The following MAGI3 variants were observed in gnomAD, a reference collection of about 807,000 sequenced individuals.
MAGI3 encodes the protein membrane-associated guanylate kinase, WW and PDZ domain-containing protein 3.
A neutral mutation model predicts 121.8 loss-of-function variants in MAGI3; 43 were observed. The ratio of observed to expected loss-of-function variants is 0.35; its 90% confidence interval spans 0.28 to 0.46. The LOEUF is 0.46. Among genes scored for constraint, MAGI3 ranks in the 20% least tolerant of loss-of-function variants. The pLI, the probability that MAGI3 is intolerant of heterozygous loss-of-function variation, is 1.00. For synonymous variants in MAGI3, 553 were observed against 639.3 expected, an observed-to-expected ratio of 0.86 and a Z score of 2.04; for missense variants, 1,547 against 1,797.3, an observed-to-expected ratio of 0.86 and a Z score of 2.52.
At chr1:113,626,282 T>A (rs1275408437) in intron 9 of MAGI3, among the ~76,000 whole-genome samples, 1 of 152,260 alleles carries the variant, frequency 6.6e-6, no homozygotes, top group Admixed American at 6.5e-5. Context: ...TTTGCATATA[T>A]TGTACCATCC....
chr1:113,657,361 AAGAC>A (rs1164388281), intron 15 of MAGI3, among the ~76,000 whole-genome samples: 1 of 152,196 alleles, frequency 6.6e-6, no homozygotes. Flanking sequence ...TATAAATACT[AAGAC>A]AGTAACAATC....
At chr1:113,641,408 C>G (rs1474114831) in intron 9 of MAGI3, among the ~76,000 whole-genome samples, 1 of 151,034 alleles carries the variant, frequency 6.6e-6, no homozygotes, top group Admixed American at 6.6e-5. Context: ...AAAAAGAGCT[C>G]AGAGGAACCT....
At chr1:113,589,606 G>A (rs1648575679) in intron 4 of MAGI3, among the ~76,000 whole-genome samples, 1 of 151,950 alleles carries the variant, frequency 6.6e-6, no homozygotes, top group Admixed American at 6.6e-5. Context: ...TAAATAGTAG[G>A]GCATGGTTAG....
intron 13 of MAGI3, among the ~76,000 whole-genome samples, chr1:113,649,877 G>T (rs1192782186): frequency 6.6e-6 from 1 of 152,176 alleles, no homozygotes; most frequent in Non-Finnish European, 1.5e-5. Context: ...GGTTATATTT[G>T]CAAAGCATTT....
At chr1:113,493,115 G>A (rs1436291309) in intron 1 of MAGI3, among the ~76,000 whole-genome samples, 1 of 152,108 alleles carries the variant, frequency 6.6e-6, no homozygotes, top group Non-Finnish European at 1.5e-5. Flanking sequence ...AAAGCTGGAG[G>A]CATTATGCTA....
chr1:113,483,100 T>C (rs1570741238), intron 1 of MAGI3, among the ~76,000 whole-genome samples: 2 of 152,344 alleles, frequency 1.3e-5, no homozygotes, highest in South Asian at 2.1e-4. Flanking sequence ...TGAGCCAATG[T>C]ACCCATGCAG....
chr1:113,413,379 A>G (rs987507192), intron 1 of MAGI3, among the ~76,000 whole-genome samples: 1 of 152,176 alleles, frequency 6.6e-6, no homozygotes, highest in South Asian at 2.1e-4. Flanking sequence ...TTGGTTCCAT[A>G]TAAACTTTAA....
chr1:113,458,308 C>T (rs1387246750), intron 1 of MAGI3, among the ~76,000 whole-genome samples: 1 of 151,870 alleles, frequency 6.6e-6, no homozygotes, highest in Non-Finnish European at 1.5e-5. Context: ...AAGGATGGCC[C>T]TAATTTTTTG....
intron 1 of MAGI3, among the ~76,000 whole-genome samples, chr1:113,423,715 C>T (rs564564980): frequency 6.6e-5 from 10 of 152,190 alleles, no homozygotes; most frequent in Non-Finnish European, 1.5e-4. Context: ...AGACTCCACC[C>T]GGTACTGGCA....
intron 1 of MAGI3, among the ~76,000 whole-genome samples, chr1:113,514,197 C>T (rs1170747244): frequency 6.6e-6 from 1 of 152,190 alleles, no homozygotes; most frequent in African/African-American, 2.4e-5. Flanking sequence ...CTAGTTGAAC[C>T]CTTGTGGAAG....
intron 6 of MAGI3, among the ~76,000 whole-genome samples, chr1:113,605,774 AT>A (rs1649727085): frequency 6.6e-6 from 1 of 151,846 alleles, no homozygotes; most frequent in East Asian, 1.9e-4. Flanking sequence ...TAATTTTTGT[AT>A]TTCTAGTAGA....
At chr1:113,392,220 A>G (rs1446001010) in intron 1 of MAGI3, among the ~76,000 whole-genome samples, 1 of 152,196 alleles carries the variant, frequency 6.6e-6, no homozygotes, top group African/African-American at 2.4e-5. Context: ...TATAGACAGC[A>G]TTGTTGGTTT....
At chr1:113,573,929 T>A (rs1017741996) in intron 2 of MAGI3, among the ~76,000 whole-genome samples, 5 of 152,216 alleles carry the variant, frequency 3.3e-5, no homozygotes, top group African/African-American at 1.2e-4. Context: ...CATGGATCCC[T>A]TTACCATTAT....
chr1:113,580,802 G>T (rs1647974587), intron 3 of MAGI3, 141 bp downstream of exon 3: 2 of 598,248 alleles, frequency 3.3e-6, no homozygotes, highest in Non-Finnish European at 5.1e-6. Flanking sequence ...TTCTTTTGAT[G>T]GGGAGATTTG....
At chr1:113,403,711 C>G (rs923287563) in intron 1 of MAGI3, 10 of 152,184 alleles carry the variant, frequency 6.6e-5, no homozygotes, top group Non-Finnish European at 1.3e-4. Context: ...AAGCTGAAAG[C>G]TGCTGAAAGC....
At chr1:113,496,166 A>G (rs1243338593) in intron 1 of MAGI3, among the ~76,000 whole-genome samples, 1 of 152,176 alleles carries the variant, frequency 6.6e-6, no homozygotes, top group African/African-American at 2.4e-5. Context: ...TGATTTCCAA[A>G]TATTTCAACT....
rs564146054 is a variant in MAGI3, at chr1:113,630,706, C to A, written c.1360+7712C>A. Among the ~76,000 whole-genome samples the A allele has an allele frequency of 4.6e-5, 7 of 152,302 alleles. No individual in the cohort carries two copies. In the South Asian group the frequency reaches 8.3e-4, roughly 18 times the overall value. On this transcript the variant is annotated intron_variant, in intron 9 of 20. Transcript: ENST00000307546. ...CCAGGTCTCTGCTGTGACAGGGCAG[C>A]ACTGAGTTCAATGAAAAGTCCATCA...
chr1:113,416,191 A>ATG (rs1557744117), intron 1 of MAGI3, among the ~76,000 whole-genome samples: 1,517 of 60,694 alleles, frequency 0.025, 106 homozygotes, highest in African/African-American at 0.045. Flanking sequence ...CATATTAATT[A>ATG]TGTAATTAAT....
intron 2 of MAGI3, among the ~76,000 whole-genome samples, chr1:113,559,834 G>T (rs1660149793): frequency 6.6e-6 from 1 of 152,180 alleles, no homozygotes; most frequent in African/African-American, 2.4e-5. Flanking sequence ...GCCTGCCAAA[G>T]TCCTGTGATT....
Sources: allele counts gnomAD v4.1 joint callset (sites outside exome capture counted in the v4.1 genomes callset), GRCh38; gene constraint gnomAD v4.1.1; transcripts MANE v1.5; gene names NCBI Gene and HGNC (gene_info 2026-07-23, HGNC 2026-07-21).